NKAIN3: variants seen among roughly 807,000 people sequenced by gnomAD.
NKAIN3 encodes sodium/potassium-transporting ATPase subunit beta-1-interacting protein 3.
NKAIN3 carries 25 observed loss-of-function variants against 30.2 expected under a neutral mutation model. The ratio of observed to expected loss-of-function variants is 0.83; its 90% CI spans 0.60 to 1.16. The LOEUF is 1.16. NKAIN3 is among the 50% of genes most tolerant of loss of function. The pLI is 0.00. For synonymous variants in NKAIN3, 91 were observed against 89.6 expected (o/e 1.02, Z -0.09); for missense variants, 225 against 254.1 (o/e 0.89, Z 0.78).
chr8:62,908,863 T>C (rs1295569243), intron 4 of NKAIN3, among the ~76,000 whole-genome samples: 1 of 152,234 alleles, frequency 6.6e-6, no homozygotes, highest in African/African-American at 2.4e-5. Context: ...TTAAGGATTC[T>C]TTTAAGCTTT....
intron 1 of NKAIN3, among the ~76,000 whole-genome samples, chr8:62,254,271 C>A (rs1013771507): frequency 6.6e-6 from 1 of 151,108 alleles, no homozygotes; most frequent in African/African-American, 2.4e-5. Flanking sequence ...AGACTTGAGG[C>A]CAAGTAGCTG....
At chr8:62,769,301 C>T (rs961316214) in intron 4 of NKAIN3, among the ~76,000 whole-genome samples, 3 of 152,068 alleles carry the variant, frequency 2.0e-5, no homozygotes, top group Admixed American at 1.3e-4. Context: ...CCCAATTATC[C>T]GGATGTGTAA....
intron 1 of NKAIN3, among the ~76,000 whole-genome samples, chr8:62,512,810 C>T (rs935444067): frequency 2.0e-5 from 3 of 152,146 alleles, no homozygotes; most frequent in African/African-American, 7.2e-5. Context: ...TCAGCATCCT[C>T]TCATCCTGCC....
intron 5 of NKAIN3, among the ~76,000 whole-genome samples, chr8:62,933,276 A>G (rs925983166): frequency 3.9e-5 from 6 of 152,226 alleles, no homozygotes; most frequent in African/African-American, 4.8e-5. Flanking sequence ...AATAGGAGCT[A>G]TAAAAAAAGA....
intron 1 of NKAIN3, among the ~76,000 whole-genome samples, chr8:62,555,561 G>T (rs1257904513): frequency 6.6e-6 from 1 of 151,960 alleles, no homozygotes; most frequent in Non-Finnish European, 1.5e-5. Flanking sequence ...GAAAGTATAG[G>T]CAATTAAGAG....
chr8:62,531,134 T>C (rs868452155), intron 1 of NKAIN3, among the ~76,000 whole-genome samples: 14 of 152,162 alleles, frequency 9.2e-5, no homozygotes, highest in African/African-American at 3.1e-4. Flanking sequence ...GAGAAAAAAA[T>C]GCTTAAGCTT....
intron 1 of NKAIN3, among the ~76,000 whole-genome samples, chr8:62,517,492 A>G (rs565098513): frequency 5.3e-5 from 8 of 152,136 alleles, no homozygotes; most frequent in Non-Finnish European, 1.0e-4. Flanking sequence ...CAAAGAGAAT[A>G]CCGTATGATT....
intron 4 of NKAIN3, among the ~76,000 whole-genome samples, chr8:62,783,927 G>A (rs1817436787): frequency 6.6e-6 from 1 of 152,040 alleles, no homozygotes; most frequent in Non-Finnish European, 1.5e-5. Context: ...TTGCAGGCAT[G>A]TGCCACCGTG....
At chr8:62,312,094 T>A (rs928802905) in intron 1 of NKAIN3, among the ~76,000 whole-genome samples, 1 of 150,548 alleles carries the variant, frequency 6.6e-6, no homozygotes, top group Non-Finnish European at 1.5e-5. Context: ...GAGAATGTTC[T>A]ATGGGGGAAG....
At chr8:62,794,598 G>A (rs1042086320) in intron 4 of NKAIN3, among the ~76,000 whole-genome samples, 2 of 152,094 alleles carry the variant, frequency 1.3e-5, no homozygotes, top group Admixed American at 6.6e-5. Flanking sequence ...CAGGAGAAAC[G>A]GAGATCTGTT....
chr8:62,957,336 G>A (rs4737621), intron 6 of NKAIN3, among the ~76,000 whole-genome samples: 10,062 of 152,126 alleles, frequency 0.066, 578 homozygotes, highest in East Asian at 0.28. Context: ...GGGTTTCACC[G>A]TGTTAGCCAG....
At chr8:62,850,338 G>T (rs1244642042) in intron 4 of NKAIN3, among the ~76,000 whole-genome samples, 4 of 152,014 alleles carry the variant, frequency 2.6e-5, no homozygotes, top group Non-Finnish European at 5.9e-5. Context: ...GGAGTTCATT[G>T]TAGATTCTGC....
At position 62,883,457 on chromosome 8, in the gene NKAIN3, G is replaced by GTTGTTGTTT; in HGVS notation, c.472-34994_472-34993insGTTGTTTTT. ...TTTATTATTTCCAGGAGTTTTATGG[G>GTTGTTGTTT]TTTTTTTTTTTTTTTTCAGATTTTC... is the stretch of plus-strand genomic sequence containing the variant. On this transcript the variant is annotated intron_variant, in intron 4 of 6. Coordinates refer to ENST00000623646, the MANE Select transcript of NKAIN3 (RefSeq NM_001304533.3). Among the ~76,000 whole-genome samples the GTTGTTGTTT allele has an allele frequency of 5.0e-4, 35 of 70,226 alleles. 1 individual carries two copies. The highest frequency in any genetic ancestry group is 0.011 in the Middle Eastern group (1 of 92). 46.1% of individuals were successfully genotyped at this position (70,226 alleles called of 152,430 possible).
At position 62,971,345 on chromosome 8, in the gene NKAIN3, G is replaced by T. The variant is rs2353366; in HGVS notation, c.*5938G>T. ...TAATGACTTTATGCTTAACTAAAAAGTAAGAGCTTTGCTGGACATGGTGGC... is the reference window on the plus strand; with the variant it reads ...TAATGACTTTATGCTTAACTAAAAATTAAGAGCTTTGCTGGACATGGTGGC... On this transcript the variant is annotated 3_prime_UTR_variant, in exon 7 of 7. Transcript: ENST00000623646. Among the ~76,000 whole-genome samples the T allele has an allele frequency of 0.25, 37,433 of 152,100 alleles. 5,327 individuals carry two copies. The highest frequency in any genetic ancestry group is 0.39 in the African/African-American group (16,304 of 41,484).
chr8:62,718,504 T>C (rs1006862856), intron 3 of NKAIN3, among the ~76,000 whole-genome samples: 5 of 152,214 alleles, frequency 3.3e-5, no homozygotes, highest in African/African-American at 4.8e-5. Context: ...CTTTTTTCCT[T>C]AATTTATTAA....
intron 4 of NKAIN3, among the ~76,000 whole-genome samples, chr8:62,822,648 C>G (rs1818883882): frequency 6.6e-6 from 1 of 152,142 alleles, no homozygotes; most frequent in Non-Finnish European, 1.5e-5. Flanking sequence ...ACTTGTCATT[C>G]TTGGGCTAAA....
intron 3 of NKAIN3, among the ~76,000 whole-genome samples, chr8:62,692,567 T>C (rs1325340419): frequency 1.3e-5 from 2 of 149,960 alleles, no homozygotes; most frequent in African/African-American, 2.5e-5. Context: ...ATTATAGCAG[T>C]TCTCTTGTGC....
At chr8:62,801,232 C>A (rs377508990) in intron 4 of NKAIN3, among the ~76,000 whole-genome samples, 3 of 152,326 alleles carry the variant, frequency 2.0e-5, no homozygotes, top group Non-Finnish European at 2.9e-5. Context: ...TGCAGACTTA[C>A]ATGTCCCTGT....
At chr8:62,837,950 G>A (rs1381388427) in intron 4 of NKAIN3, among the ~76,000 whole-genome samples, 1 of 152,120 alleles carries the variant, frequency 6.6e-6, no homozygotes, top group East Asian at 1.9e-4. Flanking sequence ...TATAGTCTGG[G>A]TTTATTATGT....
Sources: allele counts gnomAD v4.1 joint callset (sites outside exome capture counted in the v4.1 genomes callset), GRCh38; gene constraint gnomAD v4.1.1; transcripts MANE v1.5; gene names NCBI Gene and HGNC (gene_info 2026-07-23, HGNC 2026-07-21).